The following CSMD3 variants were observed in gnomAD, a reference collection of about 807,000 sequenced individuals.
CSMD3 encodes the protein CUB and sushi domain-containing protein 3.
CSMD3 carries 177 observed loss-of-function variants against 435.2 expected under a neutral mutation model. The ratio of observed to expected loss-of-function variants is 0.41; its 90% CI spans 0.36 to 0.46. The LOEUF (loss-of-function observed/expected upper bound fraction) is 0.46. CSMD3 is among the 20% of genes least tolerant of loss of function. The probability of loss-of-function intolerance (pLI) is 0.34; values close to 1 mark genes in which losing one functional copy is unlikely to be tolerated. For synonymous variants in CSMD3, 1,656 were observed against 1,520.5 expected (o/e 1.09, Z -2.07); for missense variants, 4,265 against 4,504.6 (o/e 0.95, Z 1.52).
At chr8:112,323,461 G>A (rs945630747) in intron 45 of CSMD3, among the ~76,000 whole-genome samples, 9 of 152,082 alleles carry the variant, frequency 5.9e-5, no homozygotes, top group African/African-American at 1.7e-4. Context: ...TGTTGCAGAC[G>A]TAATTGGTTA....
chr8:113,420,524 GA>G (rs913929846), intron 1 of CSMD3, among the ~76,000 whole-genome samples: 46 of 151,858 alleles, frequency 3.0e-4, no homozygotes, highest in Middle Eastern at 6.8e-3. Context: ...AATAAAATTA[GA>G]AAAAATGCTT....
At chr8:112,785,503 G>T (rs2078515549) in intron 13 of CSMD3, among the ~76,000 whole-genome samples, 1 of 151,922 alleles carries the variant, frequency 6.6e-6, no homozygotes, top group Admixed American at 6.6e-5. Context: ...ATTTATATTT[G>T]GAAAAATCTA....
intron 5 of CSMD3, among the ~76,000 whole-genome samples, chr8:113,050,558 CA>C (rs1222677932): frequency 1.3e-5 from 2 of 151,930 alleles, no homozygotes; most frequent in Non-Finnish European, 2.9e-5. Context: ...ATAAAGATCA[CA>C]CATGTCAAAA....
intron 56 of CSMD3, among the ~76,000 whole-genome samples, chr8:112,290,918 G>A (rs545775139): frequency 5.9e-5 from 9 of 152,062 alleles, no homozygotes; most frequent in South Asian, 4.1e-4. Flanking sequence ...TTCTCACTAC[G>A]TGTGTTACTT....
intron 36 of CSMD3, among the ~76,000 whole-genome samples, chr8:112,388,144 G>A (rs1830127325): frequency 6.6e-6 from 1 of 152,166 alleles, no homozygotes; most frequent in Admixed American, 6.5e-5. Flanking sequence ...TGCACAAAGG[G>A]TCCAGAGGCA....
chr8:112,685,514 T>C lies in CSMD3; in HGVS notation c.2374A>G (p.Thr792Ala). Residue 792 changes from threonine to alanine, a missense_variant, in exon 15 of 71, where the codon ACT (threonine) becomes GCT (alanine). Transcript: ENST00000297405. ...SPESPILGTF[T>A]GAEVPSHLTS... is the part of the protein sequence containing the mutation. ...AGATGGGAAGGCACCTCAGCCCCAGTAAAGGTTCCAAGAATTGGGGATTCT... is the reference window on the plus strand; with the variant it reads ...AGATGGGAAGGCACCTCAGCCCCAGCAAAGGTTCCAAGAATTGGGGATTCT... 5 of 1,613,994 alleles carry C rather than the reference T, an allele frequency of 3.1e-6. No homozygotes were observed. Among genetic ancestry groups the C allele is most frequent in the Non-Finnish European group, 3.4e-6 (4 of 1,179,940 alleles).
chr8:113,060,742 A>T (rs2088577872), intron 5 of CSMD3, among the ~76,000 whole-genome samples: 1 of 152,148 alleles, frequency 6.6e-6, no homozygotes, highest in African/African-American at 2.4e-5. Context: ...CTCAAAAGAT[A>T]TTGCAGAAGC....
intron 4 of CSMD3, among the ~76,000 whole-genome samples, chr8:113,115,737 C>A (rs969326585): frequency 1.3e-5 from 2 of 152,136 alleles, no homozygotes; most frequent in African/African-American, 4.8e-5. Context: ...TCTATAATGT[C>A]TTTTGCTACA....
intron 58 of CSMD3, among the ~76,000 whole-genome samples, chr8:112,284,150 A>G (rs575035482): frequency 2.0e-5 from 3 of 151,950 alleles, no homozygotes; most frequent in South Asian, 4.1e-4. Context: ...GCTTGTGTTC[A>G]CACCTCCTAT....
intron 28 of CSMD3, among the ~76,000 whole-genome samples, chr8:112,510,275 T>C (rs1822972461): frequency 6.6e-6 from 1 of 152,244 alleles, no homozygotes; most frequent in Non-Finnish European, 1.5e-5. Context: ...ATTCTGCAAC[T>C]GTTTCACATT....
intron 5 of CSMD3, among the ~76,000 whole-genome samples, chr8:113,081,772 C>T (rs1428553532): frequency 6.6e-6 from 1 of 152,112 alleles, no homozygotes; most frequent in African/African-American, 2.4e-5. Context: ...ACAAGCTTGA[C>T]CCAGCAGTAT....
At chr8:112,811,425 A>C (rs1395077624) in intron 12 of CSMD3, among the ~76,000 whole-genome samples, 33 of 151,948 alleles carry the variant, frequency 2.2e-4, no homozygotes, top group Admixed American at 2.2e-3. Flanking sequence ...TACAAGTTTT[A>C]CATTCTAAGA....
intron 27 of CSMD3, among the ~76,000 whole-genome samples, chr8:112,542,512 C>T (rs1297551215): frequency 1.3e-5 from 2 of 151,826 alleles, no homozygotes; most frequent in African/African-American, 2.4e-5. Context: ...TCTATATACA[C>T]TAACAACGAA....
chr8:112,275,722 C>T (rs187347516), intron 59 of CSMD3, among the ~76,000 whole-genome samples: 1 of 152,220 alleles, frequency 6.6e-6, no homozygotes, highest in Non-Finnish European at 1.5e-5. Context: ...TCTTGTGAGA[C>T]TTATTCACTA....
chr8:113,247,324 G>C (rs2093286193), intron 3 of CSMD3, among the ~76,000 whole-genome samples: 1 of 152,154 alleles, frequency 6.6e-6, no homozygotes. Context: ...TTGTCAGACA[G>C]ATAAAATAGT....
At chr8:112,571,658 C>A (rs1829525068) in intron 24 of CSMD3, among the ~76,000 whole-genome samples, 1 of 151,730 alleles carries the variant, frequency 6.6e-6, no homozygotes, top group Non-Finnish European at 1.5e-5. Context: ...CGCCTGAGGT[C>A]AGGAGTTCAA....
chr8:112,301,960 G>T lies in CSMD3; in HGVS notation c.8273C>A (p.Ser2758Tyr). 1 of 1,598,382 alleles carries T rather than the reference G, an allele frequency of 6.3e-7. No homozygotes were observed. The highest frequency in any genetic ancestry group is 8.6e-7 in the Non-Finnish European group (1 of 1,166,164). Residue 2758 changes from serine (S) to tyrosine (Y), a missense_variant, in exon 53 of 71, where the codon TCC becomes TAC. By Grantham distance (144) the Ser-to-Tyr change is moderately radical. This residue lies in a region of CSMD3 where 3,255 missense variants were observed against 3,380.2 expected (regional missense o/e 0.96). Coordinates refer to ENST00000297405, the MANE Select transcript of CSMD3 (RefSeq NM_198123.2). ...RNERPYCQII[S>Y]CGELPTPPNG... ...TGGAGGTGTAGGTAGTTCTCCACAG[G>T]AAATAACTTTAAAATGATAAATAAA...
rs550565858 is a variant in CSMD3, at chr8:112,742,527, A to C, written c.1973-52477T>G. Among the ~76,000 whole-genome samples, 134 of 152,040 alleles carry C rather than the reference A, an allele frequency of 8.8e-4. 1 individual carries two copies. The highest frequency in any genetic ancestry group is 3.1e-3 in the African/African-American group (128 of 41,512). On this transcript the variant is annotated intron_variant, in intron 13 of 70. Coordinates refer to ENST00000297405, the MANE Select transcript of CSMD3 (RefSeq NM_198123.2). ...GTTAAAAGTACAGTTTGAATACTGT[A>C]TTTTAAAAAAATACATTATTTTTGC...
At chr8:112,231,326 C>T (rs1381867246) in intron 69 of CSMD3, among the ~76,000 whole-genome samples, 3 of 152,030 alleles carry the variant, frequency 2.0e-5, no homozygotes, top group Non-Finnish European at 4.4e-5. Flanking sequence ...ATTAGAAATA[C>T]CATGAAAATC....
Sources: gnomAD v4.1 joint callset for allele counts (sites outside exome capture counted in the v4.1 genomes callset) on GRCh38, gnomAD v4.1.1 for gene constraint, gnomAD v4.1.1 regional missense constraint, MANE v1.5 for transcripts, NCBI Gene and HGNC (gene_info 2026-07-23, HGNC 2026-07-21) for gene names.